TENM1: variants seen among roughly 807,000 people sequenced by gnomAD.
TENM1 encodes the protein teneurin-1.
In TENM1, 35 loss-of-function variants were observed where a neutral mutation model predicts 174.8. The ratio of observed to expected loss-of-function variants is 0.20; its 90% CI spans 0.15 to 0.27. The LOEUF is 0.27. TENM1 is among the 10% of genes least tolerant of loss of function. The probability of loss-of-function intolerance (pLI) is 1.00; values close to 1 mark genes in which losing one functional copy is unlikely to be tolerated. For synonymous variants in TENM1, 781 were observed against 798.7 expected, an observed-to-expected ratio of 0.98 and a Z score of 0.37; for missense variants, 1,633 against 2,130.1, an observed-to-expected ratio of 0.77 and a Z score of 4.59.
chrX:125,150,090 G>A, the TENM1 span, among the ~76,000 whole-genome samples: 15 of 110,482 alleles, frequency 1.4e-4, no homozygotes, highest in African/African-American at 4.6e-4. Context: ...ATGAAAGGAA[G>A]GAAAGAAATA....
chrX:125,083,694 T>C, the TENM1 span, among the ~76,000 whole-genome samples: 2 of 111,738 alleles, frequency 1.8e-5, no homozygotes, highest in Non-Finnish European at 3.8e-5. Flanking sequence ...CAGTAACTCA[T>C]TTAAAGGAGA....
chrX:124,395,690 C>T (rs141874159), intron 27 of TENM1, among the ~76,000 whole-genome samples: 115 of 111,740 alleles, frequency 1.0e-3, no homozygotes, highest in African/African-American at 3.6e-3. Flanking sequence ...AAGAAAAGCG[C>T]ATATTTCCTG....
intron 1 of TENM1, among the ~76,000 whole-genome samples, chrX:124,916,672 G>A (rs1266384148): frequency 5.4e-5 from 6 of 111,076 alleles, no homozygotes; most frequent in Non-Finnish European, 1.1e-4. Flanking sequence ...GTCATGATGA[G>A]GGCTTCACCC....
chrX:124,460,061 T>C (rs2061152225), intron 22 of TENM1, among the ~76,000 whole-genome samples: 2 of 111,736 alleles, frequency 1.8e-5, no homozygotes, highest in Non-Finnish European at 1.9e-5. Context: ...TTGGCTATTA[T>C]TAAAAGTCAA....
chrX:124,383,940 G>T, exon 30 of TENM1: 2 of 1,210,115 alleles, frequency 1.7e-6, no homozygotes, highest in Non-Finnish European at 2.2e-6. Context: ...AACACAGCTA[G>T]TGGGGTACCT....
At chrX:124,829,125 T>C (rs1392532550) in intron 3 of TENM1, among the ~76,000 whole-genome samples, 2 of 112,019 alleles carry the variant, frequency 1.8e-5, no homozygotes, top group East Asian at 5.6e-4. Context: ...CTATGCAGCC[T>C]GCCATCCTGG....
the TENM1 span, among the ~76,000 whole-genome samples, chrX:125,051,882 G>T: frequency 9.4e-6 from 1 of 106,154 alleles, no homozygotes; most frequent in South Asian, 4.4e-4. Context: ...CACAGCAAAA[G>T]AAACTACCAT....
At chrX:125,149,287 A>G in the TENM1 span, among the ~76,000 whole-genome samples, 1 of 112,262 alleles carries the variant, frequency 8.9e-6, no homozygotes, top group Non-Finnish European at 1.9e-5. Flanking sequence ...AGACCAGCTC[A>G]AGTGTCATCT....
intron 15 of TENM1, among the ~76,000 whole-genome samples, chrX:124,543,111 G>A (rs994326418): frequency 2.7e-5 from 3 of 112,244 alleles, no homozygotes; most frequent in African/African-American, 9.7e-5. Flanking sequence ...TCAAGTGAGT[G>A]GTGAGCTAGA....
intron 11 of TENM1, among the ~76,000 whole-genome samples, chrX:124,571,427 C>A (rs1368854003): frequency 9.0e-6 from 1 of 110,811 alleles, no homozygotes; most frequent in African/African-American, 3.3e-5. Flanking sequence ...GTGTCCAAAT[C>A]AAGGATTTAG....
intron 1 of TENM1, among the ~76,000 whole-genome samples, chrX:124,909,930 C>G (rs1311384263): frequency 8.9e-6 from 1 of 112,100 alleles, no homozygotes; most frequent in Non-Finnish European, 1.9e-5. Flanking sequence ...GGGGGCAGTT[C>G]CTGTTTACAA....
At chrX:124,470,320 T>G (rs962126059) in intron 22 of TENM1, among the ~76,000 whole-genome samples, 1 of 111,566 alleles carries the variant, frequency 9.0e-6, no homozygotes, top group Non-Finnish European at 1.9e-5. Flanking sequence ...TATGGAAAGA[T>G]CTTCAAGACA....
At chrX:124,753,230 A>G (rs2054130196) in intron 3 of TENM1, among the ~76,000 whole-genome samples, 1 of 110,120 alleles carries the variant, frequency 9.1e-6, no homozygotes, top group African/African-American at 3.3e-5. Flanking sequence ...ATTCCTAGGT[A>G]TTTTATTCTT....
rs1461627217 is a variant in TENM1 at position 124,585,268 on chromosome X, T to C, written c.2078-19708A>G. Among the ~76,000 whole-genome samples, 5 of 111,437 alleles carry C rather than the reference T, an allele frequency of 4.5e-5. No homozygotes were observed. The East Asian group carries it at 1.4e-3, about 31-fold the overall frequency. Reference sequence around the variant, plus strand: ...GCACCACACCACACCTATTCCAAAATTGATCACATAGTTGGAAGTAAAGCT... The same window carrying C: ...GCACCACACCACACCTATTCCAAAACTGATCACATAGTTGGAAGTAAAGCT... On this transcript the variant is annotated intron_variant, in intron 11 of 31. Transcript: ENST00000422452.
chrX:124,966,531 G>T, upstream of TENM1, among the ~76,000 whole-genome samples: 1 of 108,129 alleles, frequency 9.2e-6, no homozygotes, highest in Non-Finnish European at 1.9e-5. Flanking sequence ...GCGTGGTAGC[G>T]GGCGCCTGTA....
chrX:124,392,248 T>C (rs1007952299), exon 28 of TENM1: 2 of 1,209,335 alleles, frequency 1.7e-6, no homozygotes, highest in Middle Eastern at 2.3e-4. Flanking sequence ...CCCAGTCTGG[T>C]CATAAAGAAT....
intron 3 of TENM1, among the ~76,000 whole-genome samples, chrX:124,878,850 G>A (rs1047493203): frequency 9.0e-6 from 1 of 111,591 alleles, no homozygotes; most frequent in African/African-American, 3.3e-5. Flanking sequence ...CAGAGTGAAG[G>A]CTGGCTCACG....
At chrX:125,025,566 C>T in the TENM1 span, among the ~76,000 whole-genome samples, 1 of 111,278 alleles carries the variant, frequency 9.0e-6, no homozygotes, top group African/African-American at 3.3e-5. Context: ...GTGTTACCCA[C>T]GTCAGCTCCA....
chrX:124,990,311 T>C, the TENM1 span, among the ~76,000 whole-genome samples: 1 of 112,279 alleles, frequency 8.9e-6, no homozygotes, highest in Non-Finnish European at 1.9e-5. Context: ...TGGACATATT[T>C]TATCTCAAAA....
Sources: allele counts gnomAD v4.1 joint callset (sites outside exome capture counted in the v4.1 genomes callset), GRCh38; gene constraint gnomAD v4.1.1; transcripts MANE v1.5; gene names NCBI Gene and HGNC (gene_info 2026-07-23, HGNC 2026-07-21).